The following FAT4 variants were observed in gnomAD, a reference collection of about 807,000 sequenced individuals.
FAT4 encodes the protein FAT atypical cadherin 4.
A neutral mutation model predicts 303.9 loss-of-function variants in FAT4; 84 were observed. That is an observed-to-expected ratio of 0.28 (90% CI 0.23 to 0.33). The LOEUF is 0.33. Ranked by LOEUF, FAT4 falls within the 10% of genes least tolerant of loss-of-function variation. The pLI, the probability that FAT4 is intolerant of heterozygous loss-of-function variation, is 1.00. For missense variants in FAT4, 6,005 were observed against 6,146.8 expected, an observed-to-expected ratio of 0.98 and a Z score of 0.77; for synonymous variants, 2,307 against 2,298.8, an observed-to-expected ratio of 1.00 and a Z score of -0.10.
chr4:125,319,802 C>T lies in FAT4; in HGVS notation c.3391C>T (p.Pro1131Ser). ...KVSAVDKDFG[P>S]NGEVRYSFEM... The stretch of plus-strand genomic sequence containing the variant: ...AAGTGCTGTAGATAAAGACTTTGGG[C>T]CAAATGGAGAAGTAAGGTATTCTTT... Residue 1131 changes from proline to serine, a missense_variant, in exon 2 of 18, where the codon CCA (proline) becomes TCA (serine). By Grantham distance (74) the Pro-to-Ser change is moderately conservative (BLOSUM62 -1). Transcript: ENST00000394329. The T allele has an allele frequency of 6.2e-7, 1 of 1,614,046 alleles. No homozygotes were observed. Among genetic ancestry groups the T allele is most frequent in the Non-Finnish European group, 8.5e-7 (1 of 1,179,994 alleles).
At chr4:125,468,940 AACTT>A in intron 12 of FAT4, 121 bp downstream of exon 12, 1 of 1,089,404 alleles carries the variant, frequency 9.2e-7, no homozygotes, top group Non-Finnish European at 1.3e-6. Flanking sequence ...AGTTATGAAA[AACTT>A]AGACATAATA....
At chr4:125,477,366 G>GA (rs781278984) in intron 14 of FAT4, 32 bp downstream of exon 14, 100 of 1,499,622 alleles carry the variant, frequency 6.7e-5, no homozygotes, top group South Asian at 1.8e-4. Context: ...CTGTTTTAAA[G>GA]AAAAAAAATG....
At chr4:125,358,623 T>C (rs914780767) in intron 2 of FAT4, among the ~76,000 whole-genome samples, 2 of 151,996 alleles carry the variant, frequency 1.3e-5, no homozygotes, top group Non-Finnish European at 2.9e-5. Flanking sequence ...GGTGATAAAG[T>C]GAGTGATGGG....
At chr4:125,391,750 A>T (rs999949853) in intron 2 of FAT4, among the ~76,000 whole-genome samples, 1 of 152,230 alleles carries the variant, frequency 6.6e-6, no homozygotes, top group African/African-American at 2.4e-5. Context: ...TATATATGAT[A>T]GCATGTTCCC....
intron 11 of FAT4, among the ~76,000 whole-genome samples, chr4:125,467,054 G>A (rs1726690777): frequency 6.6e-6 from 1 of 152,120 alleles, no homozygotes; most frequent in African/African-American, 2.4e-5. Context: ...TGGGATTACA[G>A]GCGTGAGCCA....
At chr4:125,424,838 T>G (rs1321195611) in intron 7 of FAT4, among the ~76,000 whole-genome samples, 5 of 152,208 alleles carry the variant, frequency 3.3e-5, no homozygotes, top group Admixed American at 3.3e-4. Flanking sequence ...TTACCCATTT[T>G]GAAAGTTGAA....
intron 2 of FAT4, among the ~76,000 whole-genome samples, chr4:125,387,342 A>T (rs532998562): frequency 3.9e-4 from 59 of 152,332 alleles, no homozygotes; most frequent in African/African-American, 1.1e-3. Flanking sequence ...TCATTCCATA[A>T]AAGAACTATA....
intron 2 of FAT4, among the ~76,000 whole-genome samples, chr4:125,390,973 C>A (rs536108856): frequency 6.6e-6 from 1 of 152,200 alleles, no homozygotes; most frequent in South Asian, 2.1e-4. Flanking sequence ...CATGGAGATA[C>A]CATCTCATGC....
chr4:125,467,318 C>T (rs1359743191), intron 11 of FAT4, among the ~76,000 whole-genome samples: 2 of 152,150 alleles, frequency 1.3e-5, no homozygotes, highest in Non-Finnish European at 2.9e-5. Flanking sequence ...AAAATAATGG[C>T]ATTGGTTCCT....
chr4:125,415,110 G>C lies in FAT4; in HGVS notation c.6147G>C (p.Pro2049=). The C allele has an allele frequency of 6.2e-7, 1 of 1,613,858 alleles. No homozygotes were observed. Among genetic ancestry groups the C allele is most frequent in the East Asian group, 2.2e-5 (1 of 44,868 alleles). The change falls in exon 6 of 18, where the codon CCG becomes CCC. Residue 2049 remains proline, a synonymous_variant. Transcript: ENST00000394329. ...IILLDVNDNP[P]TFLSPKLTYI... ...TGTTGGATGTAAATGATAACCCACC[G>C]ACATTTCTTTCCCCTAAATTGACAT... is the stretch of plus-strand genomic sequence containing the variant.
intron 17 of FAT4, among the ~76,000 whole-genome samples, 199 bp from the exon 18 acceptor site, chr4:125,489,702 C>T (rs891012216): frequency 6.6e-6 from 1 of 152,066 alleles, no homozygotes; most frequent in African/African-American, 2.4e-5. Flanking sequence ...GTAATCTTAA[C>T]GCACCTTGCT....
chr4:125,318,734 A>C lies in FAT4; in HGVS notation c.2323A>C (p.Asn775His). The C allele has an allele frequency of 6.2e-7, 1 of 1,614,072 alleles. No individual in the cohort carries two copies. Among genetic ancestry groups the C allele is most frequent in the Non-Finnish European group, 8.5e-7 (1 of 1,179,932 alleles). Reference sequence around the variant, plus strand: ...TGATGGTGGCAATTTACAATCTCCCAACCAGGCAATAGTAACCATCACTGT... The same window carrying C: ...TGATGGTGGCAATTTACAATCTCCCCACCAGGCAATAGTAACCATCACTGT... Reference protein sequence around the residue: ...ATDGGNLQSPNQAIVTITVLD... With the variant: ...ATDGGNLQSPHQAIVTITVLD... Residue 775 changes from asparagine (N) to histidine (H), a missense_variant, in exon 2 of 18, where the codon AAC (asparagine) becomes CAC (histidine). Asn to His is a moderately conservative substitution (Grantham distance 68). Transcript: ENST00000394329.
chr4:125,452,848 G>T, intron 10 of FAT4, 38 bp downstream of exon 10: 1 of 1,543,356 alleles, frequency 6.5e-7, no homozygotes, highest in African/African-American at 1.4e-5. Context: ...TAAGACTTTA[G>T]CCATGTCAAG....
At position 125,321,639 on chromosome 4, in the gene FAT4, A is replaced by G. The variant is rs763105725; in HGVS notation, c.5175+53A>G. 3.3e-5 allele frequency: 49 copies of G among 1,488,372 alleles called. No individual in the cohort carries two copies. The Middle Eastern group carries it at 7.1e-4, about 22-fold the overall frequency. 92.2% of individuals were successfully genotyped at this position (1,488,372 alleles called of 1,614,324 possible). On this transcript the variant is annotated intron_variant, in intron 2 of 17. Transcript: ENST00000394329. ...TGTTGATTTGCTTTTTAGAAAAATCATTCTCTTTATATTTACTCTCTATAA... is the reference window on the plus strand; with the variant it reads ...TGTTGATTTGCTTTTTAGAAAAATCGTTCTCTTTATATTTACTCTCTATAA...
rs770783630 is a variant in FAT4, at chr4:125,451,588, C to T, written c.10578C>T (p.Gly3526=). 1 of 1,614,136 alleles carries T rather than the reference C, an allele frequency of 6.2e-7. No individual in the cohort carries two copies. Among genetic ancestry groups the T allele is most frequent in the Non-Finnish European group, 8.5e-7 (1 of 1,180,026 alleles). ...AAGTCATGGAAAACAAACGGCCAGG[C>T]ACTTTGGTGATGACCCTTCAGTCCA... ...EGEVMENKRP[G]TLVMTLQSTD... The change falls in exon 10 of 18, where the codon GGC becomes GGT. Residue 3526 remains glycine, a synonymous_variant. Transcript: ENST00000394329.
In FAT4 at chr4:125,450,956, G is replaced by T. The variant is rs776046433; in HGVS notation, c.9946G>T (p.Gly3316Cys). Reference sequence around the variant, plus strand: ...TGAAATCTCAGAAGCAGCTCCTAAAGGTACTATTGTTGGAGAAGTGTTTGC... The same window carrying T: ...TGAAATCTCAGAAGCAGCTCCTAAATGTACTATTGTTGGAGAAGTGTTTGC... ...YFEISEAAPK[G>C]TIVGEVFASD... The change falls in exon 10 of 18, where the codon GGT becomes TGT. Residue 3316 changes from glycine (G) to cysteine (C), a missense_variant. Coordinates refer to ENST00000394329, the MANE Select transcript of FAT4 (RefSeq NM_001291303.3). 50 of 1,614,122 alleles carry T rather than the reference G, an allele frequency of 3.1e-5. No individual in the cohort carries two copies. Among genetic ancestry groups the T allele is most frequent in the East Asian group, 2.5e-4 (11 of 44,870 alleles).
chr4:125,398,119 A>G (rs773965317), intron 2 of FAT4, among the ~76,000 whole-genome samples: 2 of 152,180 alleles, frequency 1.3e-5, no homozygotes, highest in Admixed American at 6.6e-5. Context: ...TTAGGTGAGG[A>G]AGCAAACAAA....
At position 125,490,436 on chromosome 4, in the gene FAT4, AGAG is replaced by A. The variant is rs1560639608; in HGVS notation, c.13624_13626del (p.Glu4542del). On this transcript the variant is annotated inframe_deletion, in exon 18 of 18. Coordinates refer to ENST00000394329, the MANE Select transcript of FAT4 (RefSeq NM_001291303.3). ...GGGGGAAGAAGGCCAAAAATCCCAA[AGAG>A]GAGAAGAAACCGAAGGAGAAGAAGA... The A allele has an allele frequency of 1.2e-6, 2 of 1,614,116 alleles. No individual in the cohort carries two copies. The highest frequency in any genetic ancestry group is 1.7e-6 in the Non-Finnish European group (2 of 1,180,032).
At chr4:125,407,902 T>C (rs1734683643) in intron 4 of FAT4, among the ~76,000 whole-genome samples, 1 of 152,134 alleles carries the variant, frequency 6.6e-6, no homozygotes, top group African/African-American at 2.4e-5. Context: ...AGAAACTCCA[T>C]TTGGCAAAGG....
Sources: gnomAD v4.1 joint callset for allele counts (sites outside exome capture counted in the v4.1 genomes callset) on GRCh38, gnomAD v4.1.1 for gene constraint, MANE v1.5 for transcripts, NCBI Gene and HGNC (gene_info 2026-07-23, HGNC 2026-07-21) for gene names.